ABCC9: variants seen among roughly 807,000 people sequenced by gnomAD.
ABCC9 encodes ATP binding cassette subfamily C member 9, also known as ATP-binding cassette sub-family C member 9.
A neutral mutation model predicts 188.3 loss-of-function variants in ABCC9; 95 were observed. That is an observed-to-expected ratio of 0.50 (90% CI 0.43 to 0.60). The LOEUF is 0.60. Ranked by LOEUF, ABCC9 falls within the 20% of genes least tolerant of loss-of-function variation. The probability of loss-of-function intolerance (pLI) is 0.00; values close to 1 mark genes in which losing one functional copy is unlikely to be tolerated. For synonymous variants in ABCC9, 659 were observed against 652.7 expected (o/e 1.01, Z -0.15); for missense variants, 1,102 against 1,876.3 (o/e 0.59, Z 7.62).
At position 21,809,889 on chromosome 12, in the gene ABCC9, C is replaced by T; in HGVS notation, c.4278G>A (p.Gln1426=). ...GTAGAGATTTGACCATATTCTTCAGCTGAGCAATTTCTAAGGCTTCCCAGA... is the reference window on the plus strand; with the variant it reads ...GTAGAGATTTGACCATATTCTTCAGTTGAGCAATTTCTAAGGCTTCCCAGA... ...DRLWEALEIA[Q]LKNMVKSLPG... Residue 1426 remains glutamine, a synonymous_variant, in exon 37 of 40, where the codon CAG becomes CAA. Transcript: ENST00000261200. 1 of 1,612,420 alleles carries T rather than the reference C, an allele frequency of 6.2e-7. No individual in the cohort carries two copies.
intron 22 of ABCC9, among the ~76,000 whole-genome samples, chr12:21,857,987 C>A (rs533807686): frequency 6.6e-6 from 1 of 152,244 alleles, no homozygotes; most frequent in South Asian, 2.1e-4. Flanking sequence ...AATGTATCTT[C>A]AGGGAGAGTC....
chr12:21,915,515 T>TATATA lies in ABCC9; in HGVS notation c.816+152_816+153insTATAT, dbSNP rs1178646929. On this transcript the variant is annotated intron_variant, in intron 7 of 39. Transcript: ENST00000261200. ...GTGTGTGTGTGTATATATATATATA[T>TATATA]TTTTTTTTTTTTTTTGAGACAGAGT... Among the ~76,000 whole-genome samples, 8 of 11,528 alleles carry TATATA rather than the reference T, an allele frequency of 6.9e-4. 1 individual carries two copies. Among genetic ancestry groups the TATATA allele is most frequent in the African/African-American group, 1.9e-3 (7 of 3,662 alleles). 7.6% of individuals were successfully genotyped at this position (11,528 alleles called of 152,430 possible). A position where few individuals can be genotyped will look rare whatever the true frequency, so the allele number is the denominator to read the frequency against.
At chr12:21,869,224 A>G (rs1233727711) in intron 18 of ABCC9, among the ~76,000 whole-genome samples, 3 of 152,172 alleles carry the variant, frequency 2.0e-5, no homozygotes, top group Non-Finnish European at 4.4e-5. Context: ...GGAATTTTAT[A>G]AATACTCAGA....
In ABCC9 at chr12:21,818,212, C is replaced by G; in HGVS notation, c.3709G>C (p.Ala1237Pro). Reference protein sequence around the residue: ...GACIVLTASIASISGSSNSGL... With the variant: ...GACIVLTASIPSISGSSNSGL... The stretch of plus-strand genomic sequence containing the variant: ...GAATTCGAAGACCCACTAATGGATG[C>G]TATAGATGCAGTGAGGACAATGCAA... Residue 1237 changes from alanine (A) to proline (P), a missense_variant, in exon 32 of 40, where the codon GCA (alanine) becomes CCA (proline). Around this residue, in one of 12 missense-constraint regions of ABCC9, gnomAD observed 143 missense variants for 225.6 expected, o/e 0.63. Coordinates refer to ENST00000261200, the MANE Select transcript of ABCC9 (RefSeq NM_020297.4). The G allele has an allele frequency of 6.2e-7, 1 of 1,613,916 alleles. No homozygotes were observed. The highest frequency in any genetic ancestry group is 8.5e-7 in the Non-Finnish European group (1 of 1,179,884).
Position 21,870,941 on chromosome 12 carries a change from ATGATAATATTGGGGGTCAAT to A in ABCC9, c.2198+1664_2198+1683del, listed in dbSNP as rs1946041891. Among the ~76,000 whole-genome samples the A allele has an allele frequency of 2.6e-5, 4 of 152,316 alleles. No homozygotes were observed. The South Asian group carries it at 8.3e-4, about 32-fold the overall frequency. Reference sequence around the variant, plus strand: ...TTCATTAACACAATGATAATTATGAATGATAATATTGGGGGTCAATTTAGCTCAAGTGGGGCTGGGGCCTG... The same window carrying A: ...TTCATTAACACAATGATAATTATGAATTAGCTCAAGTGGGGCTGGGGCCTG... On this transcript the variant is annotated intron_variant, in intron 18 of 39. Transcript: ENST00000261200.
chr12:21,863,681 A>G (rs1945641553), intron 19 of ABCC9, among the ~76,000 whole-genome samples: 1 of 152,160 alleles, frequency 6.6e-6, no homozygotes, highest in South Asian at 2.1e-4. Context: ...TGCAAATTCT[A>G]CCAGATGTCT....
intron 37 of ABCC9, among the ~76,000 whole-genome samples, chr12:21,809,302 T>A (rs1202125055): frequency 1.3e-5 from 2 of 152,162 alleles, no homozygotes; most frequent in African/African-American, 4.8e-5. Flanking sequence ...ACATGTTGTG[T>A]TCTTTACACA....
intron 3 of ABCC9, among the ~76,000 whole-genome samples, chr12:21,934,276 G>C (rs573294012): frequency 6.6e-6 from 1 of 152,092 alleles, no homozygotes; most frequent in Non-Finnish European, 1.5e-5. Flanking sequence ...ATGAAATTTG[G>C]TGTAGAAAAT....
rs1945597871 is a variant in ABCC9, at chr12:21,863,032, A to G, written c.2260T>C (p.Tyr754His). 2 of 1,611,414 alleles carry G rather than the reference A, an allele frequency of 1.2e-6. No individual in the cohort carries two copies. The highest frequency in any genetic ancestry group is 8.5e-7 in the Non-Finnish European group (1 of 1,178,178). Residue 754 changes from tyrosine to histidine, a missense_variant, in exon 20 of 40, where the codon TAT (tyrosine) becomes CAT (histidine). By Grantham distance (83) the Tyr-to-His change is moderately conservative. Around this residue, in one of 12 missense-constraint regions of ABCC9, gnomAD observed 258 missense variants for 325.6 expected, o/e 0.79. Transcript: ENST00000261200. Reference sequence around the variant, plus strand: ...AATAGCCAAGGCTTTTGAGCTGCATATGCCACAGAGTACCTGTTCCTACTG... The same window carrying G: ...AATAGCCAAGGCTTTTGAGCTGCATGTGCCACAGAGTACCTGTTCCTACTG... ...TRSRNRYSVA[Y>H]AAQKPWLLNA...
At position 21,859,413 on chromosome 12, in the gene ABCC9, G is replaced by A. The variant is rs704189; in HGVS notation, c.2505+173C>T. Among the ~76,000 whole-genome samples the A allele has an allele frequency of 0.6, 91,381 of 151,904 alleles. 27,901 individuals are homozygous for A. The highest frequency in any genetic ancestry group is 0.68 in the East Asian group (3,514 of 5,156). ...ATCCTCCCAACTCTCAAGATACGTT[G>A]CTCTTCTACTGATCTACTAATCTGT... On this transcript the variant is annotated intron_variant, in intron 22 of 39. Coordinates refer to ENST00000261200, the MANE Select transcript of ABCC9 (RefSeq NM_020297.4).
chr12:21,926,598 T>G (rs538394095), intron 4 of ABCC9, among the ~76,000 whole-genome samples: 1 of 152,116 alleles, frequency 6.6e-6, no homozygotes, highest in South Asian at 2.1e-4. Context: ...CAATAGCAAA[T>G]AGGAAATTAC....
intron 2 of ABCC9, among the ~76,000 whole-genome samples, chr12:21,939,136 A>G (rs1337563904): frequency 6.6e-6 from 1 of 152,196 alleles, no homozygotes; most frequent in African/African-American, 2.4e-5. Context: ...ATCAAACAAA[A>G]GTGTAAACTT....
chr12:21,820,149 A>G (rs1332986718), intron 31 of ABCC9, among the ~76,000 whole-genome samples: 1 of 152,034 alleles, frequency 6.6e-6, no homozygotes, highest in African/African-American at 2.4e-5. Context: ...TTGGATTTCC[A>G]TATTATTTTT....
At chr12:21,818,347 T>TGGAATGATGTG in intron 31 of ABCC9, 96 bp from the exon 32 acceptor site, 2 of 896,896 alleles carry the variant, frequency 2.2e-6, no homozygotes, top group Non-Finnish European at 1.9e-6. Flanking sequence ...AGAATACACA[T>TGGAATGATGTG]CATTCCATGT....
intron 22 of ABCC9, among the ~76,000 whole-genome samples, chr12:21,852,736 C>T (rs1945032306): frequency 6.6e-6 from 1 of 151,646 alleles, no homozygotes; most frequent in African/African-American, 2.4e-5. Context: ...AAAAAGCCTG[C>T]ACATGTACCT....
At chr12:21,816,408 G>C (rs968216759) in intron 33 of ABCC9, among the ~76,000 whole-genome samples, 1 of 152,130 alleles carries the variant, frequency 6.6e-6, no homozygotes, top group Non-Finnish European at 1.5e-5. Flanking sequence ...GAGGCCCCAT[G>C]ATGAAGGCAA....
At chr12:21,915,514 A>ATTTTTTTTTTTTTTTT (rs71053356) in intron 7 of ABCC9, among the ~76,000 whole-genome samples, 154 bp downstream of exon 7, 52 of 3,522 alleles carry the variant, frequency 0.015, 14 homozygotes, top group African/African-American at 0.025. Context: ...ATATATATAT[A>ATTTTTTTTTTTTTTTT]TTTTTTTTTT....
intron 39 of ABCC9, chr12:21,805,378 A>T: frequency 3.3e-6 from 5 of 1,502,584 alleles, no homozygotes; most frequent in South Asian, 1.1e-5. Flanking sequence ...TCATTAAAAA[A>T]TAGTTTTTAT....
At chr12:21,935,417 G>T (rs1949447834) in intron 3 of ABCC9, among the ~76,000 whole-genome samples, 1 of 152,178 alleles carries the variant, frequency 6.6e-6, no homozygotes, top group African/African-American at 2.4e-5. Context: ...ACCATATGAT[G>T]AGTTCTTTAA....
Sources: allele counts gnomAD v4.1 joint callset (sites outside exome capture counted in the v4.1 genomes callset), GRCh38; gene constraint gnomAD v4.1.1; regional missense constraint gnomAD v4.1.1; transcripts MANE v1.5; gene names NCBI Gene and HGNC (gene_info 2026-07-23, HGNC 2026-07-21).